NDE1: variants seen among roughly 807,000 people sequenced by gnomAD.
The protein encoded by NDE1 is nuclear distribution protein nudE homolog 1.
Under a neutral mutation model 43.4 loss-of-function variants are expected in NDE1, and 28 were observed. The ratio of observed to expected loss-of-function variants is 0.65; its 90% confidence interval spans 0.48 to 0.89. NDE1 has a LOEUF of 0.89. Ranked by LOEUF, NDE1 falls within the 40% of genes least tolerant of loss-of-function variation. The pLI is 0.00. For synonymous variants in NDE1, 184 were observed against 172.0 expected (o/e 1.07, Z -0.55); for missense variants, 441 against 434.1 (o/e 1.02, Z -0.14).
intron 5 of NDE1, 67 bp from the exon 6 acceptor site, chr16:15,691,077 G>C: frequency 1.9e-6 from 3 of 1,603,782 alleles, no homozygotes; most frequent in Non-Finnish European, 2.6e-6. Flanking sequence ...CAAAGTGCTG[G>C]CATTATAAAC....
chr16:15,656,467 A>G (rs1335923574), intron 1 of NDE1, among the ~76,000 whole-genome samples: 1 of 152,112 alleles, frequency 6.6e-6, no homozygotes, highest in Non-Finnish European at 1.5e-5. Flanking sequence ...CTGAGGATTA[A>G]GTTTTTAAAC....
In NDE1 at chr16:15,717,368, C is replaced by T; in HGVS notation, c.948-6823C>T. 3 of 1,602,550 alleles carry T rather than the reference C, an allele frequency of 1.9e-6. No individual in the cohort carries two copies. The highest frequency in any genetic ancestry group is 3.3e-4 in the Middle Eastern group (2 of 6,028). On this transcript the variant is annotated intron_variant, in intron 8 of 8. Transcript: ENST00000396354. ...CTCGGCCTGGGGAGGAGAGTGAAGG[C>T]CATGAGGCGGACTCAGGGAAGCCCA... is the stretch of plus-strand genomic sequence containing the variant.
intron 8 of NDE1, chr16:15,714,618 G>T: frequency 1.8e-6 from 1 of 551,244 alleles, no homozygotes; most frequent in Non-Finnish European, 3.3e-6. Flanking sequence ...AGGGGCTGGA[G>T]GAGACAGTGG....
chr16:15,718,194 C>T (rs963723051), intron 8 of NDE1: 1 of 1,522,280 alleles, frequency 6.6e-7, no homozygotes, highest in South Asian at 1.1e-5. Flanking sequence ...CCCCACCACC[C>T]TCTTGTCCCT....
intron 1 of NDE1, among the ~76,000 whole-genome samples, chr16:15,654,578 G>A (rs1374357888): frequency 7.3e-6 from 1 of 136,388 alleles, no homozygotes; most frequent in Non-Finnish European, 1.5e-5. Context: ...TCCAGCCTGG[G>A]CAACAGAGAA....
intron 4 of NDE1, chr16:15,687,082 C>G: frequency 7.9e-7 from 1 of 1,271,706 alleles, no homozygotes; most frequent in Non-Finnish European, 1.0e-6. Context: ...CACCAAATGC[C>G]ACATGCAGTC....
intron 8 of NDE1, chr16:15,720,354 G>C (rs2040402454): frequency 1.3e-6 from 2 of 1,596,594 alleles, no homozygotes. Context: ...ACTTGCCCCT[G>C]GGAGGTCCTT....
In NDE1 at chr16:15,724,941, T is replaced by G. The variant is rs200737737; in HGVS notation, c.*690T>G. The G allele has an allele frequency of 1.7e-4, 277 of 1,614,140 alleles. 5 individuals are homozygous for G. The Middle Eastern group carries it at 3.1e-3, about 18-fold the overall frequency. ...GACGCCACGTCCTTGGCCAGCTTAA[T>G]GGCCTTCCCCTCGGCCTCGTTAAGC... On this transcript the variant is annotated 3_prime_UTR_variant, in exon 9 of 9. Transcript: ENST00000396354.
intron 8 of NDE1, among the ~76,000 whole-genome samples, chr16:15,709,152 G>A (rs922545482): frequency 1.5e-4 from 23 of 151,338 alleles, no homozygotes; most frequent in Admixed American, 9.9e-4. Flanking sequence ...ATGTTGGTCA[G>A]GCTTGTCTCC....
intron 1 of NDE1, among the ~76,000 whole-genome samples, chr16:15,655,619 G>A (rs898612765): frequency 8.5e-5 from 13 of 152,074 alleles, no homozygotes; most frequent in Admixed American, 1.3e-4. Context: ...CCCAGCCATC[G>A]CATTACTGGG....
Position 15,717,848 on chromosome 16 carries a change from C to T in NDE1, c.948-6343C>T, listed in dbSNP as rs1209237194. 3 of 265,328 alleles carry T rather than the reference C, an allele frequency of 1.1e-5. No individual in the cohort carries two copies. In the Admixed American group the frequency reaches 1.5e-4, roughly 13 times the overall value. 16.4% of individuals were successfully genotyped at this position (265,328 alleles called of 1,614,324 possible). A position where few individuals can be genotyped will look rare whatever the true frequency, so the allele number is the denominator to read the frequency against. ...AGTGCCACCCAGGCTGAGCGAGTGA[C>T]TTGTCCCTTGCTTTCTCTGTCCTGG... On this transcript the variant is annotated intron_variant, in intron 8 of 8. Transcript: ENST00000396354.
At chr16:15,693,896 C>T (rs768506254) in intron 6 of NDE1, among the ~76,000 whole-genome samples, 1 of 152,164 alleles carries the variant, frequency 6.6e-6, no homozygotes, top group South Asian at 2.1e-4. Flanking sequence ...GCTGAGATCA[C>T]ATCACCGCAC....
intron 8 of NDE1, among the ~76,000 whole-genome samples, chr16:15,716,045 G>A (rs1458907989): frequency 2.0e-5 from 3 of 152,054 alleles, no homozygotes; most frequent in East Asian, 3.9e-4. Flanking sequence ...AGGTTGCAGT[G>A]AGCTGAGATC....
intron 8 of NDE1, among the ~76,000 whole-genome samples, chr16:15,723,704 G>A (rs1010102014): frequency 6.6e-6 from 1 of 152,074 alleles, no homozygotes; most frequent in Non-Finnish European, 1.5e-5. Context: ...TCCAGGTGGT[G>A]GCCTTAAAGG....
chr16:15,717,880 C>T (rs563536574), intron 8 of NDE1: 9 of 273,860 alleles, frequency 3.3e-5, no homozygotes, highest in Non-Finnish European at 5.6e-5. Flanking sequence ...CTGGAGTCGC[C>T]TGGAGAATGA....
intron 4 of NDE1, among the ~76,000 whole-genome samples, chr16:15,679,787 T>C (rs889480502): frequency 4.6e-5 from 7 of 152,054 alleles, no homozygotes; most frequent in African/African-American, 1.5e-4. Flanking sequence ...TTTTTGTTTT[T>C]GTTTTTGTTT....
chr16:15,677,976 T>C, intron 4 of NDE1, 27 bp downstream of exon 4: 1 of 1,612,930 alleles, frequency 6.2e-7, no homozygotes, highest in South Asian at 1.1e-5. Context: ...AAAGCACGAG[T>C]GGGAGACTCT....
At chr16:15,658,693 G>C (rs951572840) in intron 1 of NDE1, among the ~76,000 whole-genome samples, 1 of 152,204 alleles carries the variant, frequency 6.6e-6, no homozygotes, top group Non-Finnish European at 1.5e-5. Context: ...GTCTTGCTCT[G>C]TTGCCCAGGC....
intron 5 of NDE1, 86 bp downstream of exon 5, chr16:15,687,597 CT>C: frequency 7.8e-7 from 1 of 1,288,284 alleles, no homozygotes. Context: ...CCAGCATTAT[CT>C]TTACAGGGAC....
Sources: allele counts gnomAD v4.1 joint callset (sites outside exome capture counted in the v4.1 genomes callset), GRCh38; gene constraint gnomAD v4.1.1; transcripts MANE v1.5; gene names NCBI Gene and HGNC (gene_info 2026-07-23, HGNC 2026-07-21).